SLC9A9: variants seen among roughly 807,000 people sequenced by gnomAD.
SLC9A9 encodes solute carrier family 9 member A9.
Under a neutral mutation model 77.8 loss-of-function variants are expected in SLC9A9, and 62 were observed. That is an observed-to-expected ratio of 0.80 (90% CI 0.65 to 0.98). The LOEUF (loss-of-function observed/expected upper bound fraction) is 0.98, where lower values mean the gene tolerates loss of function less well. SLC9A9 is among the 50% of genes least tolerant of loss of function. The probability of loss-of-function intolerance (pLI) is 0.00; values close to 1 mark genes in which losing one functional copy is unlikely to be tolerated. For missense variants in SLC9A9, 775 were observed against 774.9 expected (o/e 1.00, Z 0.00); for synonymous variants, 320 against 283.5 (o/e 1.13, Z -1.29).
At chr3:143,402,450 T>A (rs1043280694) in intron 12 of SLC9A9, among the ~76,000 whole-genome samples, 8 of 123,434 alleles carry the variant, frequency 6.5e-5, no homozygotes, top group African/African-American at 2.6e-4. Context: ...CCTTTGTGTT[T>A]TTTTTTTTTT....
chr3:143,368,214 T>C (rs1350480419), intron 13 of SLC9A9, among the ~76,000 whole-genome samples: 1 of 152,166 alleles, frequency 6.6e-6, no homozygotes. Flanking sequence ...TAGTTTTCTT[T>C]TAGGTGATCC....
chr3:143,400,412 A>AT (rs928678038), intron 12 of SLC9A9, among the ~76,000 whole-genome samples: 18 of 152,330 alleles, frequency 1.2e-4, no homozygotes, highest in African/African-American at 3.8e-4. Flanking sequence ...GGAAACTATT[A>AT]TTTTAAGAGA....
At chr3:143,558,959 G>A (rs2037036172) in intron 8 of SLC9A9, among the ~76,000 whole-genome samples, 1 of 152,116 alleles carries the variant, frequency 6.6e-6, no homozygotes. Flanking sequence ...GGGTCCTGGT[G>A]GGAAGTAATT....
rs150714374 is a variant in SLC9A9, at chr3:143,598,884, C to T, written c.756-20161G>A. 9.0e-4 allele frequency among the ~76,000 whole-genome samples: 137 copies of T among 152,320 alleles called. 1 individual carries two copies. The highest frequency in any genetic ancestry group is 3.1e-3 in the African/African-American group (129 of 41,578). On this transcript the variant is annotated intron_variant, in intron 6 of 15. Coordinates refer to ENST00000316549, the MANE Select transcript of SLC9A9 (RefSeq NM_173653.4). ...AAGATACCTGTCAAGCTCACCATTT[C>T]CTGAACAATGGTATTATCTTTCTCA... is the stretch of plus-strand genomic sequence containing the variant.
At chr3:143,476,558 C>T (rs756680524) in intron 11 of SLC9A9, among the ~76,000 whole-genome samples, 10 of 152,218 alleles carry the variant, frequency 6.6e-5, no homozygotes, top group Middle Eastern at 6.8e-3. Context: ...TAGTAAACTG[C>T]GGAATAATCA....
chr3:143,560,113 T>G (rs543309314), intron 8 of SLC9A9, among the ~76,000 whole-genome samples: 2 of 152,374 alleles, frequency 1.3e-5, no homozygotes, highest in South Asian at 4.1e-4. Context: ...ATTTCAGGAC[T>G]CTGGGTATTA....
intron 4 of SLC9A9, among the ~76,000 whole-genome samples, chr3:143,752,486 G>T (rs945709641): frequency 5.3e-5 from 8 of 152,172 alleles, no homozygotes; most frequent in African/African-American, 1.7e-4. Context: ...CCATAGGTCT[G>T]CCCATCTCAA....
intron 4 of SLC9A9, among the ~76,000 whole-genome samples, chr3:143,745,057 G>A (rs1935170590): frequency 6.6e-6 from 1 of 152,160 alleles, no homozygotes; most frequent in Non-Finnish European, 1.5e-5. Flanking sequence ...AATGCCAGAA[G>A]CTTTTTAAAA....
intron 14 of SLC9A9, among the ~76,000 whole-genome samples, chr3:143,273,367 G>A (rs1937950108): frequency 6.6e-6 from 1 of 152,170 alleles, no homozygotes; most frequent in Admixed American, 6.5e-5. Flanking sequence ...TAATCAGGGT[G>A]GGGCCCTTAT....
rs768406900 is a variant in SLC9A9, at chr3:143,467,122, A to G, written c.1384T>C (p.Phe462Leu). The part of the protein sequence containing the change: ...NTESQPKQMM[F>L]TTTLLLVFFT... ...AACACGAGGAGCAGCGTAGTGGTAAACATCATTTGTTTGGGCTGAGATTCT... is the reference window on the plus strand; with the variant it reads ...AACACGAGGAGCAGCGTAGTGGTAAGCATCATTTGTTTGGGCTGAGATTCT... The change falls in exon 12 of 16, where the codon TTT (phenylalanine) becomes CTT (leucine). Residue 462 changes from phenylalanine (F) to leucine (L), a missense_variant. Phe to Leu is a conservative substitution (Grantham distance 22, BLOSUM62 0). Coordinates refer to ENST00000316549, the MANE Select transcript of SLC9A9 (RefSeq NM_173653.4). 1.9e-6 allele frequency: 3 copies of G among 1,614,166 alleles called. No homozygotes were observed. The highest frequency in any genetic ancestry group is 3.3e-5 in the Admixed American group (2 of 60,024).
chr3:143,336,298 A>G (rs1226269555), intron 14 of SLC9A9, among the ~76,000 whole-genome samples: 3 of 152,182 alleles, frequency 2.0e-5, no homozygotes, highest in African/African-American at 4.8e-5. Context: ...TGAGAATGTA[A>G]AAGGGTGCAG....
chr3:143,497,487 A>G (rs1476097785), intron 9 of SLC9A9, among the ~76,000 whole-genome samples: 1 of 152,162 alleles, frequency 6.6e-6, no homozygotes, highest in African/African-American at 2.4e-5. Context: ...TGAATTCAAC[A>G]AGTTTAATGC....
At chr3:143,297,577 C>T (rs976075021) in intron 14 of SLC9A9, among the ~76,000 whole-genome samples, 4 of 151,992 alleles carry the variant, frequency 2.6e-5, no homozygotes, top group Non-Finnish European at 5.9e-5. Flanking sequence ...TAAAAAATGC[C>T]GTTGGAATTT....
chr3:143,624,728 C>T (rs1002865839), intron 6 of SLC9A9, among the ~76,000 whole-genome samples: 1 of 152,290 alleles, frequency 6.6e-6, no homozygotes, highest in African/African-American at 2.4e-5. Flanking sequence ...CCCTCTCTTA[C>T]CACTCCTATT....
chr3:143,549,851 G>A (rs1017944092), intron 9 of SLC9A9, among the ~76,000 whole-genome samples: 4 of 152,234 alleles, frequency 2.6e-5, no homozygotes, highest in South Asian at 4.1e-4. Flanking sequence ...CCAAAAAGAG[G>A]TTAGGAAAAA....
intron 9 of SLC9A9, among the ~76,000 whole-genome samples, chr3:143,527,707 T>C (rs1033136252): frequency 5.3e-5 from 8 of 152,212 alleles, no homozygotes; most frequent in Non-Finnish European, 8.8e-5. Flanking sequence ...CTCAAGACTC[T>C]TCAAGACTTA....
chr3:143,495,809 G>A (rs2035825224), intron 9 of SLC9A9, among the ~76,000 whole-genome samples: 1 of 152,194 alleles, frequency 6.6e-6, no homozygotes, highest in South Asian at 2.1e-4. Flanking sequence ...ATGACACAAA[G>A]ATTGTTTAAC....
intron 3 of SLC9A9, 90 bp from the exon 4 acceptor site, chr3:143,795,167 C>A (rs1253609316): frequency 2.4e-6 from 3 of 1,262,256 alleles, no homozygotes; most frequent in Admixed American, 2.0e-5. Flanking sequence ...AGTTCACAGA[C>A]CCCTCACTGT....
At chr3:143,527,739 C>G (rs1260395733) in intron 9 of SLC9A9, among the ~76,000 whole-genome samples, 1 of 152,230 alleles carries the variant, frequency 6.6e-6, no homozygotes, top group Non-Finnish European at 1.5e-5. Context: ...ACATCCCTCC[C>G]AATGTTTAAC....
Sources: allele counts gnomAD v4.1 joint callset (sites outside exome capture counted in the v4.1 genomes callset), GRCh38; gene constraint gnomAD v4.1.1; transcripts MANE v1.5; gene names NCBI Gene and HGNC (gene_info 2026-07-23, HGNC 2026-07-21).